Variants in SCHIP1 observed in about 807,000 individuals in gnomAD.
SCHIP1 encodes schwannomin-interacting protein 1.
Under a neutral mutation model 29.7 loss-of-function variants are expected in SCHIP1, and 8 were observed. The observed-to-expected ratio is 0.27, with a 90% CI of 0.16 to 0.49. SCHIP1 has a LOEUF of 0.49. SCHIP1 is among the 20% of genes least tolerant of loss of function. The pLI is 0.99. For missense variants in SCHIP1, 193 were observed against 294.6 expected (o/e 0.66, Z 2.52); for synonymous variants, 76 against 94.9 (o/e 0.80, Z 1.16).
At chr3:159,491,237 G>T in the SCHIP1 span, among the ~76,000 whole-genome samples, 1 of 152,296 alleles carries the variant, frequency 6.6e-6, no homozygotes, top group South Asian at 2.1e-4. Context: ...CATCTCACTG[G>T]GGAGTGCTGG....
the SCHIP1 span, among the ~76,000 whole-genome samples, chr3:159,517,710 C>T: frequency 4.6e-5 from 7 of 151,492 alleles, no homozygotes; most frequent in African/African-American, 1.7e-4. Context: ...ATATATCTAC[C>T]TATTTCTTTA....
the SCHIP1 span, among the ~76,000 whole-genome samples, chr3:159,329,588 T>C: frequency 5.9e-5 from 9 of 152,146 alleles, no homozygotes; most frequent in African/African-American, 2.2e-4. Flanking sequence ...GTCTAAGATA[T>C]GGAGCACTGG....
chr3:159,633,347 G>A, the SCHIP1 span, among the ~76,000 whole-genome samples: 1 of 152,150 alleles, frequency 6.6e-6, no homozygotes, highest in African/African-American at 2.4e-5. Context: ...ATGTAAAAAT[G>A]TGGCAGACCT....
chr3:159,339,116 C>T, the SCHIP1 span, among the ~76,000 whole-genome samples: 1 of 152,066 alleles, frequency 6.6e-6, no homozygotes, highest in Non-Finnish European at 1.5e-5. Flanking sequence ...ATGAAGCCAT[C>T]TCCAGGTTTT....
At chr3:159,309,887 A>G in the SCHIP1 span, among the ~76,000 whole-genome samples, 3 of 152,232 alleles carry the variant, frequency 2.0e-5, no homozygotes, top group African/African-American at 7.2e-5. Context: ...TCATTATGAT[A>G]GAGTTCCATG....
chr3:159,683,933 T>C, the SCHIP1 span, among the ~76,000 whole-genome samples: 3 of 152,322 alleles, frequency 2.0e-5, no homozygotes, highest in South Asian at 2.1e-4. Flanking sequence ...TCTCTCTCTC[T>C]CTGTATTAAT....
the SCHIP1 span, among the ~76,000 whole-genome samples, chr3:159,357,701 C>T: frequency 2.6e-5 from 4 of 152,260 alleles, no homozygotes; most frequent in South Asian, 8.3e-4. Context: ...TGCACAAATC[C>T]TCATAAGAAG....
At chr3:159,388,640 G>T in the SCHIP1 span, among the ~76,000 whole-genome samples, 1 of 152,074 alleles carries the variant, frequency 6.6e-6, no homozygotes, top group South Asian at 2.1e-4. Context: ...AACATTGAGG[G>T]ACACTTGCCT....
At chr3:159,643,814 A>ACT in the SCHIP1 span, among the ~76,000 whole-genome samples, 1 of 151,756 alleles carries the variant, frequency 6.6e-6, no homozygotes, top group African/African-American at 2.4e-5. Flanking sequence ...CCTGGCCTAA[A>ACT]CTCTCTCTCT....
the SCHIP1 span, among the ~76,000 whole-genome samples, chr3:159,496,624 T>C: frequency 1.9e-3 from 283 of 152,318 alleles, 1 homozygote; most frequent in African/African-American, 6.6e-3. Flanking sequence ...GGAGAGGATG[T>C]GGAGAAATAG....
the SCHIP1 span, among the ~76,000 whole-genome samples, chr3:159,622,780 A>G: frequency 2.6e-5 from 4 of 152,112 alleles, no homozygotes; most frequent in Non-Finnish European, 5.9e-5. Context: ...TTAGCCGGGC[A>G]TGATGGTGGG....
At chr3:159,838,389 A>G (rs1314029482), upstream of SCHIP1, among the ~76,000 whole-genome samples, 4 of 152,224 alleles carry the variant, frequency 2.6e-5, no homozygotes, top group Admixed American at 2.0e-4. Flanking sequence ...TGCAAAAAGT[A>G]CTTGTTTTCT....
the SCHIP1 span, among the ~76,000 whole-genome samples, chr3:159,506,172 T>G: frequency 1.3e-5 from 2 of 152,254 alleles, no homozygotes; most frequent in African/African-American, 4.8e-5. Flanking sequence ...CTAACTGGTG[T>G]GAGATGGTAT....
chr3:159,534,585 G>C, the SCHIP1 span, among the ~76,000 whole-genome samples: 1 of 152,064 alleles, frequency 6.6e-6, no homozygotes, highest in Non-Finnish European at 1.5e-5. Flanking sequence ...GGTGGGGAAA[G>C]AGAGAAAACA....
At chr3:159,713,572 G>A in the SCHIP1 span, among the ~76,000 whole-genome samples, 15 of 152,308 alleles carry the variant, frequency 9.8e-5, no homozygotes, top group African/African-American at 3.4e-4. Context: ...ACTACCCAAT[G>A]CCACTCCCCA....
chr3:159,435,421 G>A, the SCHIP1 span, among the ~76,000 whole-genome samples: 2 of 152,188 alleles, frequency 1.3e-5, no homozygotes, highest in African/African-American at 4.8e-5. Flanking sequence ...TGCACCTACA[G>A]GGATAAGCTC....
the SCHIP1 span, among the ~76,000 whole-genome samples, chr3:159,758,024 T>A: frequency 6.6e-6 from 1 of 152,244 alleles, no homozygotes; most frequent in Admixed American, 6.5e-5. Context: ...CTTCCATGCC[T>A]ATGACTTATA....
the SCHIP1 span, among the ~76,000 whole-genome samples, chr3:159,384,592 T>C: frequency 4.6e-5 from 7 of 151,796 alleles, no homozygotes; most frequent in Non-Finnish European, 8.8e-5. Flanking sequence ...TGTCTCTGCC[T>C]GGCTGTGGTA....
chr3:159,485,875 T>G, the SCHIP1 span, among the ~76,000 whole-genome samples: 1 of 152,320 alleles, frequency 6.6e-6, no homozygotes, highest in Admixed American at 6.5e-5. Flanking sequence ...ATCACTATTA[T>G]TTTGCTGTTC....
Sources: allele counts gnomAD v4.1 joint callset (sites outside exome capture counted in the v4.1 genomes callset), GRCh38; gene constraint gnomAD v4.1.1; transcripts MANE v1.5; gene names NCBI Gene and HGNC (gene_info 2026-07-23, HGNC 2026-07-21).